ENOX1: variants seen among roughly 807,000 people sequenced by gnomAD.
The protein encoded by ENOX1 is candidate growth-related and time keeping constitutive hydroquinone (NADH) oxidase.
ENOX1 carries 42 observed loss-of-function variants against 82.5 expected under a neutral mutation model. The ratio of observed to expected loss-of-function variants is 0.51; its 90% CI spans 0.40 to 0.66. ENOX1 has a LOEUF of 0.66. Ranked by LOEUF, ENOX1 falls within the 30% of genes least tolerant of loss-of-function variation. The pLI, the probability that ENOX1 is intolerant of heterozygous loss-of-function variation, is 0.00. For missense variants in ENOX1, 608 were observed against 811.6 expected, an observed-to-expected ratio of 0.75 and a Z score of 3.05; for synonymous variants, 271 against 282.2, an observed-to-expected ratio of 0.96 and a Z score of 0.40.
chr13:43,440,971 C>T (rs9594943), intron 3 of ENOX1, among the ~76,000 whole-genome samples: 32,452 of 152,008 alleles, frequency 0.21, 3,811 homozygotes, highest in Middle Eastern at 0.31. Context: ...GGTATTCTTG[C>T]CAAAATTTTA....
chr13:43,250,383 C>T (rs955583902), intron 14 of ENOX1, among the ~76,000 whole-genome samples: 14 of 152,210 alleles, frequency 9.2e-5, no homozygotes, highest in Admixed American at 9.2e-4. Context: ...GCATGTGCTC[C>T]TGGAGGACAG....
At chr13:43,608,626 G>A (rs933834067) in intron 2 of ENOX1, among the ~76,000 whole-genome samples, 1 of 152,156 alleles carries the variant, frequency 6.6e-6, no homozygotes, top group African/African-American at 2.4e-5. Flanking sequence ...ACCAAGAACT[G>A]CCTTCTGCCA....
chr13:43,677,764 T>C lies in ENOX1; in HGVS notation c.-284-10220A>G, dbSNP rs2085582420. 2.0e-5 allele frequency among the ~76,000 whole-genome samples: 3 copies of C among 152,310 alleles called. No individual in the cohort carries two copies. The South Asian group carries it at 6.2e-4, about 32-fold the overall frequency. On this transcript the variant is annotated intron_variant, in intron 1 of 16. Transcript: ENST00000690772. ...ATGCACACATCCTGACTCAAAGAGA[T>C]TTAGAATCATGCACAATGCTACACA...
At chr13:43,591,125 C>A (rs1031927365) in intron 2 of ENOX1, among the ~76,000 whole-genome samples, 2 of 152,148 alleles carry the variant, frequency 1.3e-5, no homozygotes, top group Non-Finnish European at 2.9e-5. Flanking sequence ...ATTTCAATGA[C>A]TAGATGTATT....
intron 1 of ENOX1, among the ~76,000 whole-genome samples, chr13:43,705,963 T>A (rs1307835446): frequency 6.6e-6 from 1 of 152,100 alleles, no homozygotes; most frequent in Non-Finnish European, 1.5e-5. Flanking sequence ...AGATAGAATA[T>A]GTTTCCTGTC....
Position 43,412,937 on chromosome 13 carries a change from G to A in ENOX1, c.-23C>T. 2.5e-6 allele frequency: 4 copies of A among 1,613,494 alleles called. No individual in the cohort carries two copies. Among genetic ancestry groups the A allele is most frequent in the Non-Finnish European group, 3.4e-6 (4 of 1,179,870 alleles). ...CATTGAATTATGAGTGTCCAGAGGG[G>A]CAGGAACACTTTGATGGCTGAGTGC... On this transcript the variant is annotated 5_prime_UTR_variant, in exon 4 of 17. Transcript: ENST00000690772.
chr13:43,247,112 A>G (rs966623736), intron 14 of ENOX1, among the ~76,000 whole-genome samples: 26 of 152,112 alleles, frequency 1.7e-4, no homozygotes, highest in African/African-American at 6.3e-4. Flanking sequence ...ACTTGATGTC[A>G]GGAGACCAGC....
In ENOX1 at chr13:43,703,498, C is replaced by A. The variant is rs150374880; in HGVS notation, c.-284-35954G>T. Among the ~76,000 whole-genome samples, 703 of 152,242 alleles carry A rather than the reference C, an allele frequency of 4.6e-3. 4 individuals are homozygous for A. Among genetic ancestry groups the A allele is most frequent in the Non-Finnish European group, 7.3e-3 (497 of 68,002 alleles). On this transcript the variant is annotated intron_variant, in intron 1 of 16. Transcript: ENST00000690772. The stretch of plus-strand genomic sequence containing the variant: ...AGTATTCTTAGATACCTCTCTGAAG[C>A]GTCTCTGGGAATGTTATACGCTTAT...
At chr13:43,218,887 T>C (rs559596459) in intron 16 of ENOX1, among the ~76,000 whole-genome samples, 1 of 152,230 alleles carries the variant, frequency 6.6e-6, no homozygotes, top group Non-Finnish European at 1.5e-5. Context: ...TTATAAATAC[T>C]TCCACTTACT....
At chr13:43,485,814 G>A (rs1016931715) in intron 2 of ENOX1, among the ~76,000 whole-genome samples, 1 of 152,228 alleles carries the variant, frequency 6.6e-6, no homozygotes, top group South Asian at 2.1e-4. Context: ...GGTGGCCCAC[G>A]CCTATAATCC....
chr13:43,487,015 A>G (rs1277173040), intron 2 of ENOX1, among the ~76,000 whole-genome samples: 1 of 152,116 alleles, frequency 6.6e-6, no homozygotes, highest in Non-Finnish European at 1.5e-5. Flanking sequence ...TCTACTAAAT[A>G]CAAAAATTAG....
rs529470908 is a variant in ENOX1 at position 43,519,101 on chromosome 13, G to T, written c.-218-34949C>A. ...GATAGAGAACAACAACAACAACCCTGAGCATTAGTTCCAGGTAGGCAAATA... is the reference window on the plus strand; with the variant it reads ...GATAGAGAACAACAACAACAACCCTTAGCATTAGTTCCAGGTAGGCAAATA... On this transcript the variant is annotated intron_variant, in intron 2 of 16. Transcript: ENST00000690772. Among the ~76,000 whole-genome samples the T allele has an allele frequency of 4.6e-5, 7 of 152,192 alleles. No individual in the cohort carries two copies. In the East Asian group the frequency reaches 1.4e-3, roughly 29 times the overall value.
chr13:43,358,478 C>G (rs1209534082), intron 7 of ENOX1, among the ~76,000 whole-genome samples: 3 of 152,094 alleles, frequency 2.0e-5, no homozygotes, highest in South Asian at 2.1e-4. Context: ...ACCAATCCTC[C>G]AAGTGTACTG....
At chr13:43,564,227 T>C (rs1308199561) in intron 2 of ENOX1, among the ~76,000 whole-genome samples, 1 of 152,108 alleles carries the variant, frequency 6.6e-6, no homozygotes, top group Admixed American at 6.6e-5. Context: ...TATTCCATGT[T>C]TATGGATTAG....
At position 43,543,735 on chromosome 13, in the gene ENOX1, AT is replaced by A. The variant is rs74471117; in HGVS notation, c.-218-59584del. ...TTATTGTTCTCATTTCATGCCATGCATTGATTTCCTGTTAAATAGTTTTCAA... is the reference window on the plus strand; with the variant it reads ...TTATTGTTCTCATTTCATGCCATGCATGATTTCCTGTTAAATAGTTTTCAA... On this transcript the variant is annotated intron_variant, in intron 2 of 16. Transcript: ENST00000690772. 2.0e-5 allele frequency among the ~76,000 whole-genome samples: 3 copies of A among 146,408 alleles called. No homozygotes were observed. The East Asian group carries it at 6.0e-4, about 29-fold the overall frequency.
chr13:43,530,515 T>C (rs899781014), intron 2 of ENOX1, among the ~76,000 whole-genome samples: 5 of 152,142 alleles, frequency 3.3e-5, no homozygotes, highest in Admixed American at 3.3e-4. Context: ...CTATCTCATG[T>C]GCAGATATTA....
intron 13 of ENOX1, among the ~76,000 whole-genome samples, chr13:43,267,186 C>T (rs989551134): frequency 1.1e-4 from 17 of 152,204 alleles, no homozygotes; most frequent in African/African-American, 4.1e-4. Flanking sequence ...CTTCTCTCTG[C>T]TCCCTGTTCT....
At chr13:43,349,289 C>T (rs1300147964) in intron 8 of ENOX1, among the ~76,000 whole-genome samples, 1 of 152,136 alleles carries the variant, frequency 6.6e-6, no homozygotes, top group African/African-American at 2.4e-5. Context: ...TCAGATAATC[C>T]CACAGAAGCA....
intron 2 of ENOX1, among the ~76,000 whole-genome samples, chr13:43,552,074 T>C (rs576447077): frequency 7.9e-5 from 12 of 152,238 alleles, no homozygotes; most frequent in Non-Finnish European, 1.5e-4. Context: ...CCTTTCGCCC[T>C]GTCACTCTGA....
Sources: allele counts gnomAD v4.1 joint callset (sites outside exome capture counted in the v4.1 genomes callset), GRCh38; gene constraint gnomAD v4.1.1; transcripts MANE v1.5; gene names NCBI Gene and HGNC (gene_info 2026-07-23, HGNC 2026-07-21).